The following ZNF316 variants were observed in gnomAD, a reference collection of about 807,000 sequenced individuals.
The protein encoded by ZNF316 is zinc finger protein 316.
Under a neutral mutation model 75.6 loss-of-function variants are expected in ZNF316, and 23 were observed. The ratio of observed to expected loss-of-function variants is 0.30; its 90% confidence interval spans 0.22 to 0.43. The LOEUF (loss-of-function observed/expected upper bound fraction) is 0.43, where lower values mean the gene tolerates loss of function less well. Among genes scored for constraint, ZNF316 ranks in the 20% least tolerant of loss-of-function variants. The probability of loss-of-function intolerance (pLI) is 1.00; values close to 1 mark genes in which losing one functional copy is unlikely to be tolerated. For missense variants in ZNF316, 1,266 were observed against 1,409.4 expected, an observed-to-expected ratio of 0.90 and a Z score of 1.63; for synonymous variants, 827 against 666.2, an observed-to-expected ratio of 1.24 and a Z score of -3.72.
In ZNF316 at chr7:6,640,317, G is replaced by A. The variant is rs1171171968; in HGVS notation, c.-167+1176G>A. Among the ~76,000 whole-genome samples, 2 of 152,162 alleles carry A rather than the reference G, an allele frequency of 1.3e-5. No homozygotes were observed. Among genetic ancestry groups the A allele is most frequent in the African/African-American group, 2.4e-5 (1 of 41,432 alleles). On this transcript the variant is annotated intron_variant, in intron 3 of 8. Coordinates refer to ENST00000382252, the MANE Select transcript of ZNF316 (RefSeq NM_001278559.2). The surrounding 1 kb of genome is among the most constrained non-coding windows in gnomAD (Gnocchi z 5.1). ...AGACTGGCGCATGGTTCTGCAGGCT[G>A]TACAGGAAGCATGGTGCTGGCATCT...
In ZNF316 at chr7:6,654,666, A is replaced by G; in HGVS notation, c.*55A>G. The G allele has an allele frequency of 1.7e-6, 2 of 1,151,424 alleles. No homozygotes were observed. The highest frequency in any genetic ancestry group is 1.1e-6 in the Non-Finnish European group (1 of 935,100). 71.3% of individuals were successfully genotyped at this position (1,151,424 alleles called of 1,614,324 possible). On this transcript the variant is annotated 3_prime_UTR_variant, in exon 9 of 9. Coordinates refer to ENST00000382252, the MANE Select transcript of ZNF316 (RefSeq NM_001278559.2). Reference sequence around the variant, plus strand: ...GCAGGGCCACCGGCCCCTCCCTTGGACGGCCGGCCCCCCGCTCCTCGGGCC... The same window carrying G: ...GCAGGGCCACCGGCCCCTCCCTTGGGCGGCCGGCCCCCCGCTCCTCGGGCC...
rs1583440610 is a variant in ZNF316 at position 6,642,807 on chromosome 7, G to A, written c.355+43G>A. On this transcript the variant is annotated intron_variant, in intron 5 of 8. Transcript: ENST00000382252. The surrounding 1 kb of genome is among the most constrained non-coding windows in gnomAD (Gnocchi z 8.1). ...CCTTGGGGAGGAGATGAAGGGGGCT[G>A]AGGTGGGCCAGGCCAGGGACCTGGT... 8.1e-7 allele frequency: 1 copy of A among 1,233,020 alleles called. No individual in the cohort carries two copies. The highest frequency in any genetic ancestry group is 1.0e-6 in the Non-Finnish European group (1 of 988,576). The allele number at this position is 1,233,020 out of a possible 1,614,324, so 76.4% of individuals were successfully genotyped here.
At position 6,652,598 on chromosome 7, in the gene ZNF316, C is replaced by T. The variant is rs369484052; in HGVS notation, c.1002C>T (p.Ala334=). ...ANLLSPWAFP[A]AVAPPAGRPE... is the part of the protein sequence containing the mutation. Reference sequence around the variant, plus strand: ...TGCTGTCGCCCTGGGCGTTCCCCGCCGCAGTGGCCCCGCCGGCCGGGAGGC... The same window carrying T: ...TGCTGTCGCCCTGGGCGTTCCCCGCTGCAGTGGCCCCGCCGGCCGGGAGGC... The change falls in exon 9 of 9, where the codon GCC becomes GCT. Residue 334 remains alanine (A), a synonymous_variant. Coordinates refer to ENST00000382252, the MANE Select transcript of ZNF316 (RefSeq NM_001278559.2). 6.6e-5 allele frequency: 81 copies of T among 1,230,528 alleles called. No homozygotes were observed. Among genetic ancestry groups the T allele is most frequent in the East Asian group, 5.4e-4 (17 of 31,604 alleles). 76.2% of individuals were successfully genotyped at this position (1,230,528 alleles called of 1,614,324 possible). A position where few individuals can be genotyped will look rare whatever the true frequency, so the allele number is the denominator to read the frequency against.
At position 6,642,692 on chromosome 7, in the gene ZNF316, T is replaced by C. The variant is rs1022778369; in HGVS notation, c.283T>C (p.Cys95Arg). The C allele has an allele frequency of 8.9e-6, 11 of 1,230,228 alleles. No individual in the cohort carries two copies. Among genetic ancestry groups the C allele is most frequent in the Non-Finnish European group, 1.1e-5 (11 of 988,494 alleles). 76.2% of individuals were successfully genotyped at this position (1,230,228 alleles called of 1,614,324 possible). A position where few individuals can be genotyped will look rare whatever the true frequency, so the allele number is the denominator to read the frequency against. ...GAAGGAGGTGCTGGCAGAGGAGGAG[T>C]GTCCGGCGTTGGGGACCCAGGAGCG... ...DVKEVLAEEE[C>R]PALGTQERLS... is the part of the protein sequence containing the mutation. Residue 95 changes from cysteine to arginine, a missense_variant, in exon 5 of 9, where the codon TGT becomes CGT. Coordinates refer to ENST00000382252, the MANE Select transcript of ZNF316 (RefSeq NM_001278559.2). The surrounding 1 kb of genome is among the most constrained non-coding windows in gnomAD (Gnocchi z 8.1).
Position 6,652,449 on chromosome 7 carries a change from C to A in ZNF316, c.853C>A (p.Pro285Thr). Reference sequence around the variant, plus strand: ...GGGGGACGTGCCTGGGACGTGGGGGCCCGACGACTCGGATTCGGCGCAGAC... The same window carrying A: ...GGGGGACGTGCCTGGGACGTGGGGGACCGACGACTCGGATTCGGCGCAGAC... ...GVGDVPGTWG[P>T]DDSDSAQTPE... is the part of the protein sequence containing the mutation. Residue 285 changes from proline (P) to threonine (T), a missense_variant, in exon 9 of 9, where the codon CCC becomes ACC. Around this residue, in one of 3 missense-constraint regions of ZNF316, gnomAD observed 961 missense variants for 990.9 expected, o/e 0.97. Transcript: ENST00000382252. The A allele has an allele frequency of 8.9e-6, 11 of 1,231,932 alleles. No individual in the cohort carries two copies. The highest frequency in any genetic ancestry group is 1.1e-5 in the Non-Finnish European group (11 of 987,862). 76.3% of individuals were successfully genotyped at this position (1,231,932 alleles called of 1,614,324 possible).
intron 8 of ZNF316, among the ~76,000 whole-genome samples, chr7:6,649,275 G>A (rs547919767): frequency 2.0e-5 from 3 of 152,286 alleles, no homozygotes; most frequent in Non-Finnish European, 4.4e-5. Context: ...CAGGGGAGAG[G>A]GACCGTCAGT....
chr7:6,652,872 G>A lies in ZNF316; in HGVS notation c.1276G>A (p.Glu426Lys). The part of the protein sequence containing the change: ...LVTHRRIHTG[E>K]RPYRCAFCGA... ...TACGCACCGACGCATCCATACTGGC[G>A]AGCGGCCCTACCGCTGCGCCTTCTG... Residue 426 changes from glutamate (E) to lysine (K), a missense_variant, in exon 9 of 9, where the codon GAG becomes AAG. Physicochemically the swap from Glu to Lys is moderately conservative, Grantham distance 56 (BLOSUM62 1). Transcript: ENST00000382252. The A allele has an allele frequency of 8.0e-7, 1 of 1,243,376 alleles. No individual in the cohort carries two copies. The highest frequency in any genetic ancestry group is 1.0e-6 in the Non-Finnish European group (1 of 993,012). The allele number at this position is 1,243,376 out of a possible 1,614,324, so 77.0% of individuals were successfully genotyped here. A position where few individuals can be genotyped will look rare whatever the true frequency, so the allele number is the denominator to read the frequency against.
Position 6,656,343 on chromosome 7 carries a change from T to G in ZNF316, c.*1732T>G, listed in dbSNP as rs1779626361. On this transcript the variant is annotated 3_prime_UTR_variant, in exon 9 of 9. Coordinates refer to ENST00000382252, the MANE Select transcript of ZNF316 (RefSeq NM_001278559.2). ...CAGCTCTAGCCCTGTATGGCCAGGATCTGCTGTCTCCGTCCCTCCTGGGCC... is the reference window on the plus strand; with the variant it reads ...CAGCTCTAGCCCTGTATGGCCAGGAGCTGCTGTCTCCGTCCCTCCTGGGCC... The G allele has an allele frequency of 6.6e-6, 1 of 152,020 alleles. No homozygotes were observed. The highest frequency in any genetic ancestry group is 6.6e-5 in the Admixed American group (1 of 15,258). The allele number at this position is 152,020 out of a possible 1,614,324, so 9.4% of individuals were successfully genotyped here.
At chr7:6,649,332 A>G (rs1779464288) in intron 8 of ZNF316, among the ~76,000 whole-genome samples, 1 of 152,142 alleles carries the variant, frequency 6.6e-6, no homozygotes, top group South Asian at 2.1e-4. Context: ...TGGAGGAAGC[A>G]GGTGTGTTGG....
intron 8 of ZNF316, among the ~76,000 whole-genome samples, chr7:6,648,081 G>C (rs1779441075): frequency 6.6e-6 from 1 of 152,210 alleles, no homozygotes; most frequent in Non-Finnish European, 1.5e-5. Context: ...AGTTGTGTTG[G>C]TGGGATTCTG....
intron 8 of ZNF316, among the ~76,000 whole-genome samples, chr7:6,646,309 C>T (rs1779402201): frequency 6.6e-6 from 1 of 152,332 alleles, no homozygotes; most frequent in Non-Finnish European, 1.5e-5. Context: ...AAGATCACTG[C>T]TGCCCCCAGG....
In ZNF316 at chr7:6,639,963, C is replaced by T. The variant is rs944185496; in HGVS notation, c.-167+822C>T. Among the ~76,000 whole-genome samples, 1 of 152,092 alleles carries T rather than the reference C, an allele frequency of 6.6e-6. No individual in the cohort carries two copies. Among genetic ancestry groups the T allele is most frequent in the African/African-American group, 2.4e-5 (1 of 41,418 alleles). Reference sequence around the variant, plus strand: ...AGAGGCTGGAGGTTGGGGTGGCGCTCCCAGGCGTAGTTCTGTGACTTGAGT... The same window carrying T: ...AGAGGCTGGAGGTTGGGGTGGCGCTTCCAGGCGTAGTTCTGTGACTTGAGT... On this transcript the variant is annotated intron_variant, in intron 3 of 8. Coordinates refer to ENST00000382252, the MANE Select transcript of ZNF316 (RefSeq NM_001278559.2). The surrounding 1 kb of genome is among the most constrained non-coding windows in gnomAD (Gnocchi z 4.2).
In ZNF316 at chr7:6,656,903, C is replaced by T. The variant is rs1041777732; in HGVS notation, c.*2292C>T. ...AAGCTGATTGGTTGATTTCTTTATT[C>T]TTATCACATGGTAGCCCACGATCAG... On this transcript the variant is annotated 3_prime_UTR_variant, in exon 9 of 9. Transcript: ENST00000382252. Among the ~76,000 whole-genome samples, 3 of 152,186 alleles carry T rather than the reference C, an allele frequency of 2.0e-5. No individual in the cohort carries two copies. The highest frequency in any genetic ancestry group is 4.4e-5 in the Non-Finnish European group (3 of 68,038).
chr7:6,638,853 A>T (rs1779264777), intron 2 of ZNF316, among the ~76,000 whole-genome samples, 189 bp from the exon 3 acceptor site: 1 of 152,170 alleles, frequency 6.6e-6, no homozygotes, highest in South Asian at 2.1e-4. Context: ...AGAAGTGAGC[A>T]GTGTTTACAG....
At chr7:6,645,013 C>G (rs1208694830) in intron 8 of ZNF316, among the ~76,000 whole-genome samples, 2 of 152,226 alleles carry the variant, frequency 1.3e-5, no homozygotes, top group Non-Finnish European at 2.9e-5. Flanking sequence ...CTCCCTTGCT[C>G]TCCCTGGAGC....
chr7:6,652,443 T>C lies in ZNF316; in HGVS notation c.847T>C (p.Trp283Arg), dbSNP rs1414269599. ...AYGVGDVPGT[W>R]GPDDSDSAQT... ...CGGCGTGGGGGACGTGCCTGGGACG[T>C]GGGGGCCCGACGACTCGGATTCGGC... The change falls in exon 9 of 9, where the codon TGG becomes CGG. Residue 283 changes from tryptophan to arginine, a missense_variant. By Grantham distance (101) the Trp-to-Arg change is moderately radical. Coordinates refer to ENST00000382252, the MANE Select transcript of ZNF316 (RefSeq NM_001278559.2). 3 of 1,231,660 alleles carry C rather than the reference T, an allele frequency of 2.4e-6. No homozygotes were observed. Among genetic ancestry groups the C allele is most frequent in the Admixed American group, 4.2e-5 (1 of 23,694 alleles). The allele number at this position is 1,231,660 out of a possible 1,614,324, so 76.3% of individuals were successfully genotyped here. A position where few individuals can be genotyped will look rare whatever the true frequency, so the allele number is the denominator to read the frequency against.
rs1350754686 is a variant in ZNF316, at chr7:6,639,449, C to G, written c.-167+308C>G. Among the ~76,000 whole-genome samples, 2 of 152,118 alleles carry G rather than the reference C, an allele frequency of 1.3e-5. No homozygotes were observed. The highest frequency in any genetic ancestry group is 2.9e-5 in the Non-Finnish European group (2 of 68,020). ...GGTGAGTGCTGTGAGGGAAGAATTACAGGGAACTGTGTCACCCACTGGGGC... is the reference window on the plus strand; with the variant it reads ...GGTGAGTGCTGTGAGGGAAGAATTAGAGGGAACTGTGTCACCCACTGGGGC... On this transcript the variant is annotated intron_variant, in intron 3 of 8. Transcript: ENST00000382252. The surrounding 1 kb of genome is among the most constrained non-coding windows in gnomAD (Gnocchi z 4.2).
Position 6,642,418 on chromosome 7 carries a change from G to A in ZNF316, c.9G>A (p.Ala3=), listed in dbSNP as rs1022717616. 6 of 1,232,114 alleles carry A rather than the reference G, an allele frequency of 4.9e-6. No individual in the cohort carries two copies. In the African/African-American group the frequency reaches 6.2e-5, roughly 13 times the overall value. 76.3% of individuals were successfully genotyped at this position (1,232,114 alleles called of 1,614,324 possible). A position where few individuals can be genotyped will look rare whatever the true frequency, so the allele number is the denominator to read the frequency against. The change falls in exon 5 of 9, where the codon GCG becomes GCA. Residue 3 remains alanine, a synonymous_variant. Transcript: ENST00000382252. The surrounding 1 kb of genome is among the most constrained non-coding windows in gnomAD (Gnocchi z 8.1). MA[A]LHTTPDSPAA... ...GCTCGCTCCCAGGGAGGATGGCGGC[G>A]CTCCACACGACTCCCGACTCCCCAG... is the stretch of plus-strand genomic sequence containing the variant.
At position 6,654,502 on chromosome 7, in the gene ZNF316, G is replaced by A; in HGVS notation, c.2906G>A (p.Gly969Asp). Residue 969 changes from glycine to aspartate, a missense_variant, in exon 9 of 9, where the codon GGT becomes GAT. This residue lies in a region of ZNF316 where 111 missense variants were observed against 99.2 expected (regional missense o/e 1.12). Coordinates refer to ENST00000382252, the MANE Select transcript of ZNF316 (RefSeq NM_001278559.2). The stretch of plus-strand genomic sequence containing the variant: ...AAGGGGCCGTCCAGTGCCGGCCCCG[G>A]TGAGCGCGGCAGCGCCCTGCTGGAG... ...AAKGPSSAGP[G>D]ERGSALLEFA... 8.5e-7 allele frequency: 1 copy of A among 1,177,858 alleles called. No individual in the cohort carries two copies. The highest frequency in any genetic ancestry group is 4.2e-5 in the South Asian group (1 of 23,898). 73.0% of individuals were successfully genotyped at this position (1,177,858 alleles called of 1,614,324 possible). A position where few individuals can be genotyped will look rare whatever the true frequency, so the allele number is the denominator to read the frequency against.
Sources: gnomAD v4.1 joint callset for allele counts (sites outside exome capture counted in the v4.1 genomes callset) on GRCh38, gnomAD v4.1.1 for gene constraint, gnomAD v4.1.1 regional missense constraint, Gnocchi (gnomAD v3.1) non-coding constraint, MANE v1.5 for transcripts, NCBI Gene and HGNC (gene_info 2026-07-23, HGNC 2026-07-21) for gene names.